Variants in SOS2 observed in about 807,000 individuals in gnomAD.
SOS2 encodes son of sevenless homolog 2.
A neutral mutation model predicts 148.2 loss-of-function variants in SOS2; 65 were observed. That is an observed-to-expected ratio of 0.44 (90% confidence interval 0.36 to 0.54). The LOEUF (loss-of-function observed/expected upper bound fraction) is 0.54. Ranked by LOEUF, SOS2 falls within the 20% of genes least tolerant of loss-of-function variation. SOS2 has a pLI of 0.00. For synonymous variants in SOS2, 539 were observed against 537.1 expected, an observed-to-expected ratio of 1.00 and a Z score of -0.05; for missense variants, 1,341 against 1,590.2, an observed-to-expected ratio of 0.84 and a Z score of 2.67.
At chr14:50,145,686 A>T in intron 14 of SOS2, 90 bp from the exon 15 acceptor site, 1 of 782,788 alleles carries the variant, frequency 1.3e-6, no homozygotes, top group Non-Finnish European at 2.1e-6. Flanking sequence ...AAGACAATTA[A>T]CCCAAAAGAC....
chr14:50,120,936 C>T (rs1883485065), intron 21 of SOS2, among the ~76,000 whole-genome samples: 1 of 152,006 alleles, frequency 6.6e-6, no homozygotes, highest in Admixed American at 6.6e-5. Context: ...GACAGGGTTT[C>T]ACCATGTTGG....
chr14:50,190,023 T>C (rs1201411247), intron 4 of SOS2, among the ~76,000 whole-genome samples: 1 of 151,808 alleles, frequency 6.6e-6, no homozygotes, highest in East Asian at 1.9e-4. Context: ...TAATTTTTTT[T>C]TGTATTTTTA....
intron 2 of SOS2, among the ~76,000 whole-genome samples, chr14:50,203,599 T>C (rs982375750): frequency 7.9e-5 from 12 of 151,864 alleles, no homozygotes; most frequent in Admixed American, 7.2e-4. Flanking sequence ...CAGATATATA[T>C]ATATATATAC....
At chr14:50,214,563 G>C (rs1886984082) in intron 1 of SOS2, among the ~76,000 whole-genome samples, 1 of 152,044 alleles carries the variant, frequency 6.6e-6, no homozygotes, top group Non-Finnish European at 1.5e-5. Context: ...TGTAGTCCCA[G>C]CTACTCTAGT....
chr14:50,223,922 G>T (rs1355761502), intron 1 of SOS2, among the ~76,000 whole-genome samples: 3 of 152,092 alleles, frequency 2.0e-5, no homozygotes, highest in Admixed American at 1.3e-4. Context: ...GTAATTATCA[G>T]ATTTAGATTA....
At chr14:50,230,274 T>C (rs973129227) in intron 1 of SOS2, among the ~76,000 whole-genome samples, 2 of 152,210 alleles carry the variant, frequency 1.3e-5, no homozygotes, top group Non-Finnish European at 2.9e-5. Context: ...GTATTCTTGG[T>C]TATTTTGCAC....
intron 8 of SOS2, among the ~76,000 whole-genome samples, chr14:50,163,135 T>A (rs1192368876): frequency 1.3e-5 from 2 of 151,022 alleles, no homozygotes; most frequent in Non-Finnish European, 2.9e-5. Context: ...CTCAAACTGT[T>A]TTAATCTTTT....
At position 50,117,843 on chromosome 14, in the gene SOS2, A is replaced by T. The variant is rs1449010458; in HGVS notation, c.*501T>A. On this transcript the variant is annotated 3_prime_UTR_variant, in exon 23 of 23. Transcript: ENST00000216373. ...ATACCGGCATTTAAGACATGGCATT[A>T]AAGAGTTTAAGAACAGTTGGTGTTA... is the stretch of plus-strand genomic sequence containing the variant. The T allele has an allele frequency of 1.3e-5, 2 of 152,514 alleles. No individual in the cohort carries two copies. The highest frequency in any genetic ancestry group is 1.3e-4 in the Admixed American group (2 of 15,300). 9.4% of individuals were successfully genotyped at this position (152,514 alleles called of 1,614,324 possible). A position where few individuals can be genotyped will look rare whatever the true frequency, so the allele number is the denominator to read the frequency against.
chr14:50,230,852 C>A, intron 1 of SOS2: 1 of 1,003,120 alleles, frequency 1.0e-6, no homozygotes. Flanking sequence ...TGAAAATGTG[C>A]TTTTGTTTTA....
At chr14:50,172,611 C>T (rs1885404191) in intron 8 of SOS2, among the ~76,000 whole-genome samples, 1 of 151,588 alleles carries the variant, frequency 6.6e-6, no homozygotes. Context: ...CAAGTCATTC[C>T]CTCCCCCTTG....
At chr14:50,196,472 G>A (rs1886315658) in intron 4 of SOS2, among the ~76,000 whole-genome samples, 2 of 151,344 alleles carry the variant, frequency 1.3e-5, no homozygotes, top group Non-Finnish European at 1.5e-5. Flanking sequence ...ACAAATTATC[G>A]TTGACTGTAG....
At chr14:50,200,044 G>A (rs1415671129) in intron 3 of SOS2, among the ~76,000 whole-genome samples, 189 bp from the exon 4 acceptor site, 1 of 152,090 alleles carries the variant, frequency 6.6e-6, no homozygotes, top group Non-Finnish European at 1.5e-5. Context: ...TCTTTTAAGA[G>A]ACATCTAATC....
intron 18 of SOS2, among the ~76,000 whole-genome samples, chr14:50,135,089 A>AG (rs1366741129): frequency 2.3e-5 from 3 of 131,576 alleles, no homozygotes; most frequent in East Asian, 2.3e-4. Context: ...AAAAAAAAAA[A>AG]AAAGAAAGAA....
chr14:50,178,065 T>G (rs1884405), intron 7 of SOS2, among the ~76,000 whole-genome samples: 132,540 of 152,146 alleles, frequency 0.87, 57,807 homozygotes, highest in East Asian at 0.91. Context: ...TTAAGAGACT[T>G]AGAAGAAGAA....
chr14:50,231,857 C>T (rs1887565234), upstream of SOS2, among the ~76,000 whole-genome samples: 1 of 152,238 alleles, frequency 6.6e-6, no homozygotes, highest in African/African-American at 2.4e-5. Flanking sequence ...GCCGCCGTTG[C>T]TGCCCCTTTA....
At chr14:50,165,911 C>A (rs1404881803) in intron 8 of SOS2, among the ~76,000 whole-genome samples, 1 of 152,080 alleles carries the variant, frequency 6.6e-6, no homozygotes, top group African/African-American at 2.4e-5. Flanking sequence ...GTAATTTGCC[C>A]AATATAAATA....
At position 50,199,908 on chromosome 14, in the gene SOS2, C is replaced by T. The variant is rs556673964; in HGVS notation, c.346-53G>A. On this transcript the variant is annotated intron_variant, in intron 3 of 22. Transcript: ENST00000216373. Reference sequence around the variant, plus strand: ...CAAAATGTAGCACTGTCAAGTATTACACACTTAAAAAATTCCTATTTAACA... The same window carrying T: ...CAAAATGTAGCACTGTCAAGTATTATACACTTAAAAAATTCCTATTTAACA... 2.3e-5 allele frequency: 27 copies of T among 1,166,690 alleles called. No individual in the cohort carries two copies. In the African/African-American group the frequency reaches 3.7e-4, roughly 16 times the overall value. The allele number at this position is 1,166,690 out of a possible 1,614,324, so 72.3% of individuals were successfully genotyped here.
chr14:50,156,963 GTATATA>G, intron 12 of SOS2, 30 bp downstream of exon 12: 5 of 1,022,824 alleles, frequency 4.9e-6, no homozygotes, highest in Non-Finnish European at 5.8e-6. Flanking sequence ...ATATATATGT[GTATATA>G]TATATATATA....
rs543474311 is a variant in SOS2 at position 50,219,432 on chromosome 14, C to G, written c.87+11765G>C. 2.5e-4 allele frequency among the ~76,000 whole-genome samples: 38 copies of G among 152,094 alleles called. No individual in the cohort carries two copies. In the South Asian group the frequency reaches 7.9e-3, roughly 32 times the overall value. ...CCAGATTGAAAAAAAAGAGTATGTACTGTATGATTCTATCAGTATTAATAT... is the reference window on the plus strand; with the variant it reads ...CCAGATTGAAAAAAAAGAGTATGTAGTGTATGATTCTATCAGTATTAATAT... On this transcript the variant is annotated intron_variant, in intron 1 of 22. Coordinates refer to ENST00000216373, the MANE Select transcript of SOS2 (RefSeq NM_006939.4).
Sources: gnomAD v4.1 joint callset for allele counts (sites outside exome capture counted in the v4.1 genomes callset) on GRCh38, gnomAD v4.1.1 for gene constraint, MANE v1.5 for transcripts, NCBI Gene and HGNC (gene_info 2026-07-23, HGNC 2026-07-21) for gene names.